The following SSU72 variants were observed in gnomAD, a reference collection of about 807,000 sequenced individuals.
SSU72 encodes RNA polymerase II subunit A C-terminal domain phosphatase SSU72.
A neutral mutation model predicts 22.7 loss-of-function variants in SSU72; 12 were observed. That is an observed-to-expected ratio of 0.53 (90% CI 0.34 to 0.86). The LOEUF (loss-of-function observed/expected upper bound fraction) is 0.86. Among genes scored for constraint, SSU72 ranks in the 40% least tolerant of loss-of-function variants. The probability of loss-of-function intolerance (pLI) is 0.02; values close to 1 mark genes in which losing one functional copy is unlikely to be tolerated. For missense variants in SSU72, 151 were observed against 249.8 expected (o/e 0.60, Z 2.67); for synonymous variants, 116 against 98.3 (o/e 1.18, Z -1.06).
intron 2 of SSU72, among the ~76,000 whole-genome samples, chr1:1,547,877 C>T (rs898034551): frequency 2.0e-5 from 3 of 152,220 alleles, no homozygotes; most frequent in Non-Finnish European, 2.9e-5. Flanking sequence ...TCCCATCTTC[C>T]GGACACCTGC....
chr1:1,567,360 T>G (rs1268135877), intron 1 of SSU72, among the ~76,000 whole-genome samples: 1 of 152,074 alleles, frequency 6.6e-6, no homozygotes, highest in South Asian at 2.1e-4. Context: ...TCTCCAAACA[T>G]CTACCACACA....
At chr1:1,550,173 CAAAAAA>C (rs1169411955) in intron 2 of SSU72, among the ~76,000 whole-genome samples, 1 of 79,368 alleles carries the variant, frequency 1.3e-5, no homozygotes, top group East Asian at 3.0e-4. Flanking sequence ...GAGAGTGTCT[CAAAAAA>C]AAAAAAAAAA....
rs187567099 is a variant in SSU72, at chr1:1,565,058, G to A, written c.81-142C>T. ...AATATGTCTTCAAATTTTTAATCTA[G>A]GCCGGGCATGGTGGCTCGCGCCTGT... is the stretch of plus-strand genomic sequence containing the variant. On this transcript the variant is annotated intron_variant, in intron 1 of 4. Transcript: ENST00000291386. 10 of 1,224,522 alleles carry A rather than the reference G, an allele frequency of 8.2e-6. No individual in the cohort carries two copies. The Admixed American group carries it at 2.4e-4, about 29-fold the overall frequency. The allele number at this position is 1,224,522 out of a possible 1,614,324, so 75.9% of individuals were successfully genotyped here. A position where few individuals can be genotyped will look rare whatever the true frequency, so the allele number is the denominator to read the frequency against.
intron 1 of SSU72, among the ~76,000 whole-genome samples, chr1:1,569,848 T>C (rs1475554472): frequency 5.9e-5 from 9 of 152,188 alleles, no homozygotes; most frequent in African/African-American, 2.2e-4. Context: ...CTAGCTACTG[T>C]GCCTGCTCAG....
At chr1:1,565,853 GAGAA>G (rs1415382237) in intron 1 of SSU72, among the ~76,000 whole-genome samples, 3 of 152,240 alleles carry the variant, frequency 2.0e-5, no homozygotes, top group Non-Finnish European at 2.9e-5. Context: ...TTCACGCAAG[GAGAA>G]AGAGAGGTCG....
chr1:1,551,825 T>G lies in SSU72; in HGVS notation c.225-6823A>C, dbSNP rs1002282088. Among the ~76,000 whole-genome samples the G allele has an allele frequency of 2.0e-4, 30 of 152,374 alleles. No homozygotes were observed. The Middle Eastern group carries it at 0.01, about 52-fold the overall frequency. ...AGGGAGGGTGGTGGGGCCCGAGGCCTGTGCTCACCCCATGCAGGCAGGGCC... is the reference window on the plus strand; with the variant it reads ...AGGGAGGGTGGTGGGGCCCGAGGCCGGTGCTCACCCCATGCAGGCAGGGCC... On this transcript the variant is annotated intron_variant, in intron 2 of 4. Coordinates refer to ENST00000291386, the MANE Select transcript of SSU72 (RefSeq NM_014188.3).
At chr1:1,553,288 A>T (rs1046143828) in intron 2 of SSU72, among the ~76,000 whole-genome samples, 9 of 152,080 alleles carry the variant, frequency 5.9e-5, no homozygotes, top group African/African-American at 2.2e-4. Context: ...AACATAAGGG[A>T]CTTCTTATCT....
intron 2 of SSU72, chr1:1,564,439 C>G (rs1208514400): frequency 2.1e-6 from 3 of 1,459,804 alleles, no homozygotes; most frequent in Non-Finnish European, 2.7e-6. Flanking sequence ...AACGGGGCAG[C>G]CCTGCAGTGT....
At chr1:1,550,715 C>T (rs992156165) in intron 2 of SSU72, among the ~76,000 whole-genome samples, 2 of 152,138 alleles carry the variant, frequency 1.3e-5, no homozygotes, top group African/African-American at 4.8e-5. Context: ...GGAGGGAGGG[C>T]GGAGGTTTAG....
At position 1,542,242 on chromosome 1, in the gene SSU72, G is replaced by C. The variant is rs1195315522; in HGVS notation, c.484-75C>G. The C allele has an allele frequency of 1.6e-5, 22 of 1,400,094 alleles. No homozygotes were observed. Among genetic ancestry groups the C allele is most frequent in the Non-Finnish European group, 7.9e-6 (8 of 1,013,466 alleles). 86.7% of individuals were successfully genotyped at this position (1,400,094 alleles called of 1,614,324 possible). A position where few individuals can be genotyped will look rare whatever the true frequency, so the allele number is the denominator to read the frequency against. ...CTCCCCCTAACACCTGGATCGCCAG[G>C]GAAACGCCAGGCCTGAGCCAGCAGA... On this transcript the variant is annotated intron_variant, in intron 4 of 4. Transcript: ENST00000291386. The surrounding 1 kb of genome is among the most constrained non-coding windows in gnomAD (Gnocchi z 4.4).
chr1:1,570,621 T>G (rs1281330941), intron 1 of SSU72, among the ~76,000 whole-genome samples: 1 of 152,126 alleles, frequency 6.6e-6, no homozygotes, highest in African/African-American at 2.4e-5. Context: ...ACTGGGGTAT[T>G]ATAGAAAATT....
At chr1:1,564,732 G>T in intron 2 of SSU72, 41 bp downstream of exon 2, 2 of 1,614,224 alleles carry the variant, frequency 1.2e-6, no homozygotes, top group Non-Finnish European at 1.7e-6. Flanking sequence ...TTCCAGGGAG[G>T]ACCACACGGG....
intron 2 of SSU72, among the ~76,000 whole-genome samples, chr1:1,556,243 T>C (rs1227915610): frequency 6.6e-6 from 1 of 152,180 alleles, no homozygotes; most frequent in Admixed American, 6.5e-5. Flanking sequence ...CCATCCTGGC[T>C]AACACGGTGA....
At chr1:1,559,203 T>C (rs1306419601) in intron 2 of SSU72, among the ~76,000 whole-genome samples, 1 of 152,146 alleles carries the variant, frequency 6.6e-6, no homozygotes, top group African/African-American at 2.4e-5. Flanking sequence ...AAAGGCTGCA[T>C]ATGAACTGGA....
At chr1:1,568,675 A>T (rs1642691541) in intron 1 of SSU72, among the ~76,000 whole-genome samples, 1 of 152,040 alleles carries the variant, frequency 6.6e-6, no homozygotes, top group African/African-American at 2.4e-5. Flanking sequence ...CTGTAATCCC[A>T]ACACTTTGGG....
At chr1:1,567,643 A>G (rs150143569) in intron 1 of SSU72, among the ~76,000 whole-genome samples, 5 of 152,246 alleles carry the variant, frequency 3.3e-5, no homozygotes, top group African/African-American at 1.2e-4. Context: ...TTCAGACAAC[A>G]TACAATAAAA....
At chr1:1,561,410 C>A (rs532386521) in intron 2 of SSU72, 11 of 152,144 alleles carry the variant, frequency 7.2e-5, no homozygotes, top group Non-Finnish European at 1.5e-4. Context: ...TGTGAACACT[C>A]GACCAAGTGC....
chr1:1,561,794 A>C (rs1168051006), intron 2 of SSU72: 1 of 152,092 alleles, frequency 6.6e-6, no homozygotes, highest in East Asian at 1.9e-4. Context: ...CGAGTGAAAT[A>C]AGGTAATGAA....
In SSU72 at chr1:1,574,641, G is replaced by C. The variant is rs1296934856; in HGVS notation, c.-84C>G. On this transcript the variant is annotated 5_prime_UTR_variant, in exon 1 of 5. Coordinates refer to ENST00000291386, the MANE Select transcript of SSU72 (RefSeq NM_014188.3). ...TCCGCGCGAACAAAATGGCGGCCGC[G>C]GTGGCCGGAAGCGGGCGACGCGAAA... The C allele has an allele frequency of 7.3e-7, 1 of 1,370,792 alleles. No individual in the cohort carries two copies. The highest frequency in any genetic ancestry group is 9.6e-7 in the Non-Finnish European group (1 of 1,037,678). 84.9% of individuals were successfully genotyped at this position (1,370,792 alleles called of 1,614,324 possible).
Sources: gnomAD v4.1 joint callset for allele counts (sites outside exome capture counted in the v4.1 genomes callset) on GRCh38, gnomAD v4.1.1 for gene constraint, Gnocchi (gnomAD v3.1) non-coding constraint, MANE v1.5 for transcripts, NCBI Gene and HGNC (gene_info 2026-07-23, HGNC 2026-07-21) for gene names.